PARD6B: variants seen among roughly 807,000 people sequenced by gnomAD.
PARD6B encodes the protein partitioning defective 6 homolog beta.
In PARD6B, 4 loss-of-function variants were observed where a neutral mutation model predicts 10.5. The ratio of observed to expected loss-of-function variants is 0.38; its 90% confidence interval spans 0.19 to 0.87. The LOEUF (loss-of-function observed/expected upper bound fraction) is 0.87. Ranked by LOEUF, PARD6B falls within the 40% of genes least tolerant of loss-of-function variation. The pLI, the probability that PARD6B is intolerant of heterozygous loss-of-function variation, is 0.41. For synonymous variants in PARD6B, 169 were observed against 170.4 expected (o/e 0.99, Z 0.07); for missense variants, 396 against 470.6 (o/e 0.84, Z 1.47).
At chr20:50,731,882 C>A (rs1427552206) in intron 1 of PARD6B, 30 bp downstream of exon 1, 4 of 1,407,738 alleles carry the variant, frequency 2.8e-6, no homozygotes, top group Non-Finnish European at 1.8e-6. Flanking sequence ...GGCGGAGCGG[C>A]GGGCCTGGGG....
intron 1 of PARD6B, 27 bp from the exon 2 acceptor site, chr20:50,737,830 T>A (rs762707444): frequency 1.6e-5 from 22 of 1,381,574 alleles, no homozygotes; most frequent in African/African-American, 7.5e-5. Flanking sequence ...TTTTTTTTTT[T>A]AAGTAATATG....
In PARD6B at chr20:50,741,552, G is replaced by A. The variant is rs1047277596; in HGVS notation, c.289+3473G>A. 1.3e-5 allele frequency among the ~76,000 whole-genome samples: 2 copies of A among 152,144 alleles called. 1 individual carries two copies. The highest frequency in any genetic ancestry group is 4.8e-5 in the African/African-American group (2 of 41,526). On this transcript the variant is annotated intron_variant, in intron 2 of 2. Transcript: ENST00000371610. ...ACTTACTTAGTGTACTATAATGCATGCACTCTTTTTTTTGTGGAGTGGGGA... is the reference window on the plus strand; with the variant it reads ...ACTTACTTAGTGTACTATAATGCATACACTCTTTTTTTTGTGGAGTGGGGA...
chr20:50,750,484 T>C lies in PARD6B; in HGVS notation c.1115T>C (p.Leu372Ser), dbSNP rs1241975667. 3.1e-6 allele frequency: 5 copies of C among 1,609,492 alleles called. No homozygotes were observed. The Admixed American group carries it at 6.7e-5, about 22-fold the overall frequency. Residue 372 changes from leucine (L) to serine (S), a missense_variant, in exon 3 of 3, where the codon TTA becomes TCA. Around this residue, in one of 2 missense-constraint regions of PARD6B, gnomAD observed 188 missense variants for 169.7 expected, o/e 1.11. Transcript: ENST00000371610. ...LLEEDGTIIT[L>S] ...GAAGAAGATGGAACAATCATAACATTATGAAACCGTGGTTTGAATGTTTTC... is the reference window on the plus strand; with the variant it reads ...GAAGAAGATGGAACAATCATAACATCATGAAACCGTGGTTTGAATGTTTTC...
chr20:50,752,445 T>A lies in PARD6B; in HGVS notation c.*1957T>A, dbSNP rs1298116533. On this transcript the variant is annotated 3_prime_UTR_variant, in exon 3 of 3. Transcript: ENST00000371610. ...AGGTAGAGTTTATCACTATTAATTT[T>A]ATGAGGCTATTTATTACTTTCCAAT... is the stretch of plus-strand genomic sequence containing the variant. 1.0e-6 allele frequency: 1 copy of A among 985,570 alleles called. No homozygotes were observed. The highest frequency in any genetic ancestry group is 4.7e-5 in the South Asian group (1 of 21,288). The allele number at this position is 985,570 out of a possible 1,614,324, so 61.1% of individuals were successfully genotyped here.
chr20:50,732,578 G>C (rs1182544099), intron 1 of PARD6B, among the ~76,000 whole-genome samples: 1 of 152,166 alleles, frequency 6.6e-6, no homozygotes, highest in Non-Finnish European at 1.5e-5. Context: ...TCTGTAGGGA[G>C]GGATTAGTTA....
chr20:50,750,101 A>C lies in PARD6B; in HGVS notation c.732A>C (p.Ile244=), dbSNP rs1241340109. ...TTGCAAATAGCCGTAACCTCATCAT[A>C]ACAGTGAGACCGGCAAACCAGAGGA... ...MMIANSRNLI[I]TVRPANQRNN... is the part of the protein sequence containing the mutation. The change falls in exon 3 of 3, where the codon ATA becomes ATC. Residue 244 remains isoleucine (I), a synonymous_variant. Coordinates refer to ENST00000371610, the MANE Select transcript of PARD6B (RefSeq NM_032521.3). 39 of 1,614,250 alleles carry C rather than the reference A, an allele frequency of 2.4e-5. No individual in the cohort carries two copies. The highest frequency in any genetic ancestry group is 3.2e-5 in the Non-Finnish European group (38 of 1,180,050).
rs2087603167 is a variant in PARD6B, at chr20:50,750,954, A to ATTTTTTTTTTTGTTTTTTTTTT, written c.*477_*478insGTTTTTTTTTTTTTTTTTTTTT. 1 of 365,692 alleles carries ATTTTTTTTTTTGTTTTTTTTTT rather than the reference A, an allele frequency of 2.7e-6. No homozygotes were observed. The highest frequency in any genetic ancestry group is 3.7e-5 in the African/African-American group (1 of 26,752). The allele number at this position is 365,692 out of a possible 1,614,324, so 22.7% of individuals were successfully genotyped here. On this transcript the variant is annotated 3_prime_UTR_variant, in exon 3 of 3. Coordinates refer to ENST00000371610, the MANE Select transcript of PARD6B (RefSeq NM_032521.3). ...CTCATGTTCCCAATATTTTATTTTG[A>ATTTTTTTTTTTGTTTTTTTTTT]TTTTTTTTTTTTTTTTTTTTTTTTT...
intron 2 of PARD6B, among the ~76,000 whole-genome samples, chr20:50,740,345 G>A (rs1429519406): frequency 6.6e-6 from 1 of 152,178 alleles, no homozygotes; most frequent in African/African-American, 2.4e-5. Flanking sequence ...GTTAGTTGCT[G>A]TTTGGATGTG....
rs2087597957 is a variant in PARD6B, at chr20:50,750,581, G to A, written c.*93G>A. The stretch of plus-strand genomic sequence containing the variant: ...CATATATACCTCTGACCAGTGACGT[G>A]GAATAGGCATGAGACGAGTAACGTT... On this transcript the variant is annotated 3_prime_UTR_variant, in exon 3 of 3. Transcript: ENST00000371610. 1 of 1,469,842 alleles carries A rather than the reference G, an allele frequency of 6.8e-7. No homozygotes were observed. The highest frequency in any genetic ancestry group is 9.0e-7 in the Non-Finnish European group (1 of 1,116,322). 91.0% of individuals were successfully genotyped at this position (1,469,842 alleles called of 1,614,324 possible).
chr20:50,753,016 T>G lies in PARD6B; in HGVS notation c.*2528T>G, dbSNP rs933922245. ...GTAGAAGGTTAACTTTCATTTATAATATAAGTGGTGCAGGGGTTCAACATT... is the reference window on the plus strand; with the variant it reads ...GTAGAAGGTTAACTTTCATTTATAAGATAAGTGGTGCAGGGGTTCAACATT... On this transcript the variant is annotated 3_prime_UTR_variant, in exon 3 of 3. Transcript: ENST00000371610. 6 of 982,988 alleles carry G rather than the reference T, an allele frequency of 6.1e-6. No individual in the cohort carries two copies. The highest frequency in any genetic ancestry group is 3.5e-5 in the African/African-American group (2 of 57,120). The allele number at this position is 982,988 out of a possible 1,614,324, so 60.9% of individuals were successfully genotyped here. A position where few individuals can be genotyped will look rare whatever the true frequency, so the allele number is the denominator to read the frequency against.
At chr20:50,742,232 CAG>C (rs2087534747) in intron 2 of PARD6B, among the ~76,000 whole-genome samples, 1 of 152,028 alleles carries the variant, frequency 6.6e-6, no homozygotes, top group South Asian at 2.1e-4. Flanking sequence ...TTAGTAGAGA[CAG>C]GGTTTTGCCA....
rs1326272610 is a variant in PARD6B, at chr20:50,753,730, G to C, written c.*3242G>C. 4.6e-6 allele frequency: 3 copies of C among 654,608 alleles called. No individual in the cohort carries two copies. Among genetic ancestry groups the C allele is most frequent in the African/African-American group, 3.9e-5 (2 of 50,844 alleles). The allele number at this position is 654,608 out of a possible 1,614,324, so 40.5% of individuals were successfully genotyped here. ...ATTTTTTACAAATAAAGATAGACTT[G>C]TATAAAGGCTACTTTCTTGTTTGAA... On this transcript the variant is annotated 3_prime_UTR_variant, in exon 3 of 3. Transcript: ENST00000371610.
rs575328118 is a variant in PARD6B at position 50,741,506 on chromosome 20, C to T, written c.289+3427C>T. ...CTGTCTGTCTGGTTTACCATCAGGT[C>T]GCAGCATCTAAATCTGGCAGACTTA... is the stretch of plus-strand genomic sequence containing the variant. On this transcript the variant is annotated intron_variant, in intron 2 of 2. Coordinates refer to ENST00000371610, the MANE Select transcript of PARD6B (RefSeq NM_032521.3). Among the ~76,000 whole-genome samples, 5 of 152,170 alleles carry T rather than the reference C, an allele frequency of 3.3e-5. No homozygotes were observed. In the South Asian group the frequency reaches 6.3e-4, roughly 19 times the overall value.
chr20:50,742,546 A>G (rs1173783885), intron 2 of PARD6B, among the ~76,000 whole-genome samples: 2 of 151,240 alleles, frequency 1.3e-5, no homozygotes, highest in African/African-American at 4.9e-5. Context: ...TTGTGTTTTC[A>G]GTAGAGACAC....
intron 1 of PARD6B, among the ~76,000 whole-genome samples, chr20:50,732,123 G>T (rs1235816989): frequency 6.6e-6 from 1 of 152,246 alleles, no homozygotes; most frequent in Non-Finnish European, 1.5e-5. Context: ...TTCACGGACG[G>T]GAGTAGGGGC....
At chr20:50,742,201 G>A (rs1419581338) in intron 2 of PARD6B, among the ~76,000 whole-genome samples, 1 of 151,948 alleles carries the variant, frequency 6.6e-6, no homozygotes, top group East Asian at 1.9e-4. Context: ...GTGCCACCAC[G>A]CCCAGCTAAT....
At chr20:50,742,345 C>T (rs1271700732) in intron 2 of PARD6B, among the ~76,000 whole-genome samples, 1 of 151,902 alleles carries the variant, frequency 6.6e-6, no homozygotes, top group Admixed American at 6.6e-5. Context: ...TGCCTGGCCC[C>T]AAGTGATTTA....
At position 50,749,876 on chromosome 20, in the gene PARD6B, A is replaced by G. The variant is rs769343965; in HGVS notation, c.507A>G (p.Leu169=). The G allele has an allele frequency of 6.2e-7, 1 of 1,614,168 alleles. No homozygotes were observed. The highest frequency in any genetic ancestry group is 8.5e-7 in the Non-Finnish European group (1 of 1,180,000). The change falls in exon 3 of 3, where the codon CTA becomes CTG. Residue 169 remains leucine, a synonymous_variant. Coordinates refer to ENST00000371610, the MANE Select transcript of PARD6B (RefSeq NM_032521.3). The part of the protein sequence containing the change: ...RLYKYGTEKP[L]GFYIRDGSSV... ...ACAAATACGGCACGGAGAAACCCCT[A>G]GGATTCTACATCCGGGATGGCTCCA...
In PARD6B at chr20:50,743,714, G is replaced by C. The variant is rs866916215; in HGVS notation, c.289+5635G>C. Reference sequence around the variant, plus strand: ...CCATCCTGGCTAGCATGGTGAAACCGTGTCTCTACTAAAAATACAAAAAAA... The same window carrying C: ...CCATCCTGGCTAGCATGGTGAAACCCTGTCTCTACTAAAAATACAAAAAAA... On this transcript the variant is annotated intron_variant, in intron 2 of 2. Coordinates refer to ENST00000371610, the MANE Select transcript of PARD6B (RefSeq NM_032521.3). Among the ~76,000 whole-genome samples, 65 of 151,900 alleles carry C rather than the reference G, an allele frequency of 4.3e-4. 1 individual carries two copies. The highest frequency in any genetic ancestry group is 1.5e-3 in the South Asian group (7 of 4,780).
Sources: gnomAD v4.1 joint callset for allele counts (sites outside exome capture counted in the v4.1 genomes callset) on GRCh38, gnomAD v4.1.1 for gene constraint, gnomAD v4.1.1 regional missense constraint, MANE v1.5 for transcripts, NCBI Gene and HGNC (gene_info 2026-07-23, HGNC 2026-07-21) for gene names.